The following SMYD3 variants were observed in gnomAD, a reference collection of about 807,000 sequenced individuals.
The protein encoded by SMYD3 is histone-lysine N-methyltransferase SMYD3.
In SMYD3, 36 loss-of-function variants were observed where a neutral mutation model predicts 57.7. That is an observed-to-expected ratio of 0.62 (90% CI 0.48 to 0.82). The LOEUF is 0.82. Ranked by LOEUF, SMYD3 falls within the 40% of genes least tolerant of loss-of-function variation. The pLI is 0.00. For missense variants in SMYD3, 515 were observed against 538.8 expected (o/e 0.96, Z 0.44); for synonymous variants, 211 against 195.0 (o/e 1.08, Z -0.68).
At chr1:246,002,330 T>G (rs12755103) in intron 5 of SMYD3, among the ~76,000 whole-genome samples, 16,522 of 44,772 alleles carry the variant, frequency 0.37, 6,056 homozygotes, top group East Asian at 0.63. Flanking sequence ...GACTGCAGGC[T>G]CCCGCCACCA....
At chr1:246,236,659 C>T (rs2148464502) in intron 5 of SMYD3, among the ~76,000 whole-genome samples, 1 of 152,088 alleles carries the variant, frequency 6.6e-6, no homozygotes, top group South Asian at 2.1e-4. Context: ...CGTGATCCAC[C>T]CACCTCGGCC....
chr1:246,472,019 T>C (rs887129403), intron 1 of SMYD3, among the ~76,000 whole-genome samples: 2 of 152,162 alleles, frequency 1.3e-5, no homozygotes, highest in Non-Finnish European at 1.5e-5. Flanking sequence ...ATGTAAGCAT[T>C]CAACCAAAAT....
chr1:245,993,631 T>C (rs10924433), intron 5 of SMYD3, among the ~76,000 whole-genome samples: 64,073 of 115,900 alleles, frequency 0.55, 18,582 homozygotes, highest in Non-Finnish European at 0.68. Flanking sequence ...GATAGATAGA[T>C]AGACAGACAG....
chr1:246,045,162 C>T (rs2059941775), intron 5 of SMYD3, among the ~76,000 whole-genome samples: 1 of 152,130 alleles, frequency 6.6e-6, no homozygotes, highest in African/African-American at 2.4e-5. Context: ...AAAAAAGAGC[C>T]CGCATCACCA....
intron 1 of SMYD3, among the ~76,000 whole-genome samples, chr1:246,407,598 T>C (rs1165552750): frequency 2.6e-5 from 4 of 152,122 alleles, no homozygotes; most frequent in Non-Finnish European, 5.9e-5. Flanking sequence ...TCCCAGCACT[T>C]TGGGAAGCAG....
At chr1:246,329,924 A>G in intron 4 of SMYD3, among the ~76,000 whole-genome samples, 1 of 152,190 alleles carries the variant, frequency 6.6e-6, no homozygotes, top group East Asian at 1.9e-4. Flanking sequence ...CGCCAATACA[A>G]AATCAAAACG....
chr1:246,438,325 A>G (rs1315470668), intron 1 of SMYD3, among the ~76,000 whole-genome samples: 1 of 152,258 alleles, frequency 6.6e-6, no homozygotes, highest in Non-Finnish European at 1.5e-5. Context: ...TCCTGCAAAT[A>G]TATCGTATGA....
intron 10 of SMYD3, among the ~76,000 whole-genome samples, chr1:245,786,746 C>T (rs907538665): frequency 3.3e-5 from 5 of 151,190 alleles, no homozygotes; most frequent in African/African-American, 1.2e-4. Context: ...AAATGTGAAA[C>T]CAATGAATCT....
intron 5 of SMYD3, among the ~76,000 whole-genome samples, chr1:246,160,198 T>G (rs933299145): frequency 6.6e-6 from 1 of 152,236 alleles, no homozygotes; most frequent in Non-Finnish European, 1.5e-5. Context: ...TTCCGGTTAT[T>G]ACCTACTGTC....
chr1:245,938,212 C>T (rs2057061044), intron 5 of SMYD3, among the ~76,000 whole-genome samples: 1 of 152,224 alleles, frequency 6.6e-6, no homozygotes, highest in African/African-American at 2.4e-5. Flanking sequence ...AGGTATTTCA[C>T]ATGACAGTAG....
At chr1:246,441,090 T>C (rs563857150) in intron 1 of SMYD3, among the ~76,000 whole-genome samples, 192 of 152,184 alleles carry the variant, frequency 1.3e-3, no homozygotes, top group Non-Finnish European at 2.5e-3. Flanking sequence ...CCACTTACCC[T>C]GCCGTTCGTA....
In SMYD3 at chr1:245,874,808, T is replaced by C. The variant is rs140901965; in HGVS notation, c.814-10922A>G. ...AAAAGAAAAGTCTGTAGTCTGTGAA[T>C]CAATCCATACAGAGATCTGTCCCTT... is the stretch of plus-strand genomic sequence containing the variant. On this transcript the variant is annotated intron_variant, in intron 8 of 11. Coordinates refer to ENST00000490107, the MANE Select transcript of SMYD3 (RefSeq NM_001167740.2). Among the ~76,000 whole-genome samples the C allele has an allele frequency of 3.3e-4, 51 of 152,392 alleles. No homozygotes were observed. The East Asian group carries it at 9.6e-3, about 29-fold the overall frequency.
At chr1:245,921,557 A>G (rs1486745709) in intron 7 of SMYD3, among the ~76,000 whole-genome samples, 6 of 146,078 alleles carry the variant, frequency 4.1e-5, no homozygotes, top group South Asian at 2.3e-4. Flanking sequence ...GTGTATATAT[A>G]TATATATATA....
intron 5 of SMYD3, among the ~76,000 whole-genome samples, chr1:246,321,021 T>A (rs553019176): frequency 6.6e-6 from 1 of 152,038 alleles, no homozygotes; most frequent in African/African-American, 2.4e-5. Flanking sequence ...TACCATGGAG[T>A]TTCTAAGAAT....
At chr1:246,115,628 C>T (rs574539201) in intron 5 of SMYD3, among the ~76,000 whole-genome samples, 73 of 152,332 alleles carry the variant, frequency 4.8e-4, no homozygotes, top group African/African-American at 1.5e-3. Context: ...AGCATGGTTT[C>T]ACTGGACGGC....
At chr1:245,990,818 T>G (rs909728877) in intron 5 of SMYD3, among the ~76,000 whole-genome samples, 1 of 152,184 alleles carries the variant, frequency 6.6e-6, no homozygotes, top group Admixed American at 6.5e-5. Context: ...AGATAACACG[T>G]GTGTGGTTTT....
intron 1 of SMYD3, among the ~76,000 whole-genome samples, chr1:246,376,405 A>G (rs1455812550): frequency 3.3e-5 from 5 of 151,804 alleles, no homozygotes; most frequent in East Asian, 1.9e-4. Flanking sequence ...AGCCTGGCCA[A>G]CATGGTGAAA....
At chr1:246,231,775 T>C (rs1461277385) in intron 5 of SMYD3, among the ~76,000 whole-genome samples, 2 of 152,118 alleles carry the variant, frequency 1.3e-5, no homozygotes, top group Admixed American at 1.3e-4. Flanking sequence ...ACACATTACA[T>C]GCAAGATCCA....
chr1:246,354,656 T>C (rs1357414271), intron 2 of SMYD3, among the ~76,000 whole-genome samples: 1 of 152,136 alleles, frequency 6.6e-6, no homozygotes, highest in Non-Finnish European at 1.5e-5. Context: ...ATATCTTTTT[T>C]TTTTTAAACA....
Sources: gnomAD v4.1 joint callset for allele counts (sites outside exome capture counted in the v4.1 genomes callset) on GRCh38, gnomAD v4.1.1 for gene constraint, MANE v1.5 for transcripts, NCBI Gene and HGNC (gene_info 2026-07-23, HGNC 2026-07-21) for gene names.